Variants in PTPRK observed in about 807,000 individuals in gnomAD.
PTPRK encodes the protein receptor-type tyrosine-protein phosphatase kappa.
In PTPRK, 75 loss-of-function variants were observed where a neutral mutation model predicts 178.0. The ratio of observed to expected loss-of-function variants is 0.42; its 90% CI spans 0.35 to 0.51. PTPRK has a LOEUF of 0.51. Ranked by LOEUF, PTPRK falls within the 20% of genes least tolerant of loss-of-function variation. The probability of loss-of-function intolerance (pLI) is 0.02; values close to 1 mark genes in which losing one functional copy is unlikely to be tolerated. For synonymous variants in PTPRK, 637 were observed against 620.6 expected (o/e 1.03, Z -0.39); for missense variants, 1,441 against 1,797.8 (o/e 0.80, Z 3.59).
chr6:128,018,172 T>G (rs1779828567), intron 13 of PTPRK, among the ~76,000 whole-genome samples: 1 of 152,068 alleles, frequency 6.6e-6, no homozygotes, highest in South Asian at 2.1e-4. Context: ...CATGTCTTTA[T>G]GGCTAATGAT....
Position 128,008,393 on chromosome 6 carries a change from T to C in PTPRK, c.2333+737A>G, listed in dbSNP as rs978315692. ...AACCCAAATACATGATGGGAAGGAT[T>C]AGAGTGCTATATTAGTTTCCAAGAC... On this transcript the variant is annotated intron_variant, in intron 14 of 29. Transcript: ENST00000368226. Among the ~76,000 whole-genome samples the C allele has an allele frequency of 7.9e-5, 12 of 151,118 alleles. No homozygotes were observed. The East Asian group carries it at 1.6e-3, about 20-fold the overall frequency.
chr6:128,367,922 G>A (rs1329535092), intron 2 of PTPRK, among the ~76,000 whole-genome samples: 1 of 152,162 alleles, frequency 6.6e-6, no homozygotes, highest in Non-Finnish European at 1.5e-5. Flanking sequence ...GATTTACAAT[G>A]TTAGTTCAAT....
intron 1 of PTPRK, among the ~76,000 whole-genome samples, chr6:128,430,617 CACAT>C (rs559075922): frequency 3.8e-4 from 58 of 152,160 alleles, no homozygotes; most frequent in Admixed American, 3.1e-3. Context: ...GTATAAAACA[CACAT>C]ACAAAAATTT....
intron 3 of PTPRK, among the ~76,000 whole-genome samples, chr6:128,309,177 G>A (rs949961102): frequency 2.0e-5 from 3 of 152,056 alleles, no homozygotes; most frequent in African/African-American, 7.2e-5. Context: ...TAATCCAACT[G>A]AGCATTCACT....
At chr6:128,005,935 A>G (rs1778363364) in intron 14 of PTPRK, 1 of 1,026,170 alleles carries the variant, frequency 9.7e-7, no homozygotes, top group Non-Finnish European at 1.3e-6. Context: ...TTGAAATGTC[A>G]CCAAAATTGC....
chr6:128,441,363 T>G (rs560251081), intron 1 of PTPRK, among the ~76,000 whole-genome samples: 1 of 152,202 alleles, frequency 6.6e-6, no homozygotes, highest in South Asian at 2.1e-4. Flanking sequence ...TAGGCAGTTG[T>G]GGGGAGAACA....
intron 7 of PTPRK, among the ~76,000 whole-genome samples, chr6:128,159,104 A>T (rs1199776887): frequency 6.6e-6 from 1 of 151,892 alleles, no homozygotes; most frequent in African/African-American, 2.4e-5. Flanking sequence ...AAGAGACAGT[A>T]CAGAAATGCC....
At chr6:128,238,241 A>T (rs560374344) in intron 5 of PTPRK, 1 of 394,466 alleles carries the variant, frequency 2.5e-6, no homozygotes, top group East Asian at 8.5e-5. Flanking sequence ...GGGAGAAAGC[A>T]ACATAGAAGT....
intron 3 of PTPRK, among the ~76,000 whole-genome samples, chr6:128,268,684 A>C (rs1240543660): frequency 6.6e-6 from 1 of 152,050 alleles, no homozygotes; most frequent in Non-Finnish European, 1.5e-5. Context: ...CTAAAACAGA[A>C]TGGCTCTAAT....
intron 1 of PTPRK, among the ~76,000 whole-genome samples, chr6:128,434,607 C>T (rs752740370): frequency 6.6e-5 from 10 of 151,812 alleles, no homozygotes; most frequent in East Asian, 1.9e-4. Flanking sequence ...GGAGTGTGTC[C>T]GGCACTCAAA....
chr6:128,514,013 G>A (rs930831288), intron 1 of PTPRK, among the ~76,000 whole-genome samples: 4 of 152,130 alleles, frequency 2.6e-5, no homozygotes, highest in Admixed American at 1.3e-4. Context: ...TATCCAACAC[G>A]GATTAAGGGA....
intron 3 of PTPRK, among the ~76,000 whole-genome samples, chr6:128,314,287 C>T (rs1037513245): frequency 6.6e-6 from 1 of 152,078 alleles, no homozygotes; most frequent in Admixed American, 6.5e-5. Context: ...TGGCTCTGAC[C>T]CCTAGAGTAG....
At position 128,373,498 on chromosome 6, in the gene PTPRK, G is replaced by A. The variant is rs191598535; in HGVS notation, c.223+24068C>T. Among the ~76,000 whole-genome samples the A allele has an allele frequency of 1.2e-4, 19 of 152,260 alleles. No homozygotes were observed. In the East Asian group the frequency reaches 3.3e-3, roughly 26 times the overall value. ...ACCAAATATACAGAAGTTTCTGGGG[G>A]TGTGGCATTAATCCTTTATAAAGAA... On this transcript the variant is annotated intron_variant, in intron 2 of 29. Coordinates refer to ENST00000368226, the MANE Select transcript of PTPRK (RefSeq NM_002844.4).
intron 7 of PTPRK, among the ~76,000 whole-genome samples, chr6:128,165,764 A>G (rs1583294231): frequency 6.6e-6 from 1 of 151,498 alleles, no homozygotes; most frequent in Admixed American, 6.6e-5. Flanking sequence ...TTCATAAGGT[A>G]CTATGAATAC....
rs558617871 is a variant in PTPRK at position 128,402,265 on chromosome 6, G to C, written c.101-4577C>G. On this transcript the variant is annotated intron_variant, in intron 1 of 29. Coordinates refer to ENST00000368226, the MANE Select transcript of PTPRK (RefSeq NM_002844.4). ...GTTTTGTTTGTTTGTTTTTGTTTTTGTTTTTGTTTAGAGATGGAGTCTCAC... is the reference window on the plus strand; with the variant it reads ...GTTTTGTTTGTTTGTTTTTGTTTTTCTTTTTGTTTAGAGATGGAGTCTCAC... Among the ~76,000 whole-genome samples the C allele has an allele frequency of 1.2e-3, 183 of 152,176 alleles. 1 individual carries two copies. The highest frequency in any genetic ancestry group is 2.1e-3 in the Non-Finnish European group (145 of 67,984).
intron 5 of PTPRK, among the ~76,000 whole-genome samples, chr6:128,237,745 C>T (rs1013443781): frequency 6.6e-6 from 1 of 152,062 alleles, no homozygotes; most frequent in African/African-American, 2.4e-5. Flanking sequence ...TGTTATTCTA[C>T]GTGAAATGAA....
chr6:128,364,634 C>T (rs1835233029), intron 2 of PTPRK, among the ~76,000 whole-genome samples: 1 of 151,906 alleles, frequency 6.6e-6, no homozygotes, highest in Admixed American at 6.6e-5. Flanking sequence ...ATTAAACAGA[C>T]AGATAAATAA....
chr6:128,334,553 A>C lies in PTPRK; in HGVS notation c.224-12243T>G, dbSNP rs570122932. On this transcript the variant is annotated intron_variant, in intron 2 of 29. Transcript: ENST00000368226. ...TGGTCACTGCTCTCCTGAATAAGTAAATGGCAAGTAATGATCAATTAGAGA... is the reference window on the plus strand; with the variant it reads ...TGGTCACTGCTCTCCTGAATAAGTACATGGCAAGTAATGATCAATTAGAGA... Among the ~76,000 whole-genome samples the C allele has an allele frequency of 2.6e-5, 4 of 152,320 alleles. No homozygotes were observed. In the South Asian group the frequency reaches 8.3e-4, roughly 32 times the overall value.
intron 6 of PTPRK, among the ~76,000 whole-genome samples, chr6:128,205,227 C>A (rs1806705673): frequency 6.6e-6 from 1 of 152,022 alleles, no homozygotes; most frequent in South Asian, 2.1e-4. Context: ...CACATGGATA[C>A]ATGGAGGGGA....
Sources: allele counts gnomAD v4.1 joint callset (sites outside exome capture counted in the v4.1 genomes callset), GRCh38; gene constraint gnomAD v4.1.1; transcripts MANE v1.5; gene names NCBI Gene and HGNC (gene_info 2026-07-23, HGNC 2026-07-21).